The following GPHN variants were observed in gnomAD, a reference collection of about 807,000 sequenced individuals.
GPHN encodes gephyrin.
Under a neutral mutation model 95.5 loss-of-function variants are expected in GPHN, and 17 were observed. That is an observed-to-expected ratio of 0.18 (90% CI 0.12 to 0.27). The LOEUF is 0.27. Among genes scored for constraint, GPHN ranks in the 10% least tolerant of loss-of-function variants. The pLI is 1.00. For synonymous variants in GPHN, 320 were observed against 322.5 expected (o/e 0.99, Z 0.08); for missense variants, 660 against 978.1 (o/e 0.67, Z 4.34).
the GPHN span, among the ~76,000 whole-genome samples, chr14:67,476,848 GGGCACAGT>G: frequency 2.0e-5 from 3 of 152,252 alleles, no homozygotes; most frequent in African/African-American, 7.2e-5. Context: ...GATAGTGGCT[GGGCACAGT>G]GGCTCACGCC....
At chr14:67,338,979 C>T in the GPHN span, among the ~76,000 whole-genome samples, 29 of 149,546 alleles carry the variant, frequency 1.9e-4, no homozygotes, top group Non-Finnish European at 3.8e-4. Context: ...CTGATTTAAC[C>T]TGAGACAGAA....
chr14:67,612,233 TG>T, the GPHN span, among the ~76,000 whole-genome samples: 1 of 152,162 alleles, frequency 6.6e-6, no homozygotes, highest in Non-Finnish European at 1.5e-5. Context: ...GCCCAGGGGT[TG>T]GGGACCCCTG....
chr14:67,705,892 T>C, the GPHN span: 8 of 152,286 alleles, frequency 5.3e-5, no homozygotes, highest in African/African-American at 1.9e-4. Context: ...TCAAAAAGTA[T>C]ACAGCCAAAA....
At chr14:67,147,474 G>A (rs2080966387) in intron 18 of GPHN, among the ~76,000 whole-genome samples, 1 of 152,058 alleles carries the variant, frequency 6.6e-6, no homozygotes, top group South Asian at 2.1e-4. Flanking sequence ...TCTCTTTTGA[G>A]ATACATATGT....
At chr14:67,529,288 T>C in the GPHN span, among the ~76,000 whole-genome samples, 1 of 152,138 alleles carries the variant, frequency 6.6e-6, no homozygotes, top group Admixed American at 6.5e-5. Context: ...TTGCAGTGAA[T>C]GTATGTGGTA....
chr14:66,946,174 C>A (rs1490488815), intron 8 of GPHN, among the ~76,000 whole-genome samples: 1 of 151,876 alleles, frequency 6.6e-6, no homozygotes, highest in Non-Finnish European at 1.5e-5. Flanking sequence ...TTTTTAAAAG[C>A]ATGAAAGGTA....
intron 4 of GPHN, among the ~76,000 whole-genome samples, chr14:66,858,325 C>A (rs770885747): frequency 6.6e-6 from 1 of 151,852 alleles, no homozygotes; most frequent in Non-Finnish European, 1.5e-5. Context: ...TGGAAACCAG[C>A]TCAGCCACAG....
At chr14:67,700,531 C>G in the GPHN span, among the ~76,000 whole-genome samples, 1 of 150,060 alleles carries the variant, frequency 6.7e-6, no homozygotes, top group African/African-American at 2.5e-5. Flanking sequence ...CTGGCTAACA[C>G]GATGAAACCC....
chr14:67,061,293 G>A (rs998134580), intron 11 of GPHN, among the ~76,000 whole-genome samples: 1 of 151,966 alleles, frequency 6.6e-6, no homozygotes, highest in Admixed American at 6.6e-5. Flanking sequence ...CACCCACCTC[G>A]ACCTCTCAAA....
chr14:67,595,285 T>C, the GPHN span, among the ~76,000 whole-genome samples: 1 of 152,230 alleles, frequency 6.6e-6, no homozygotes, highest in African/African-American at 2.4e-5. Flanking sequence ...AAAACAATGT[T>C]TGTATGGGTA....
At chr14:67,306,438 G>C in the GPHN span, among the ~76,000 whole-genome samples, 1 of 152,014 alleles carries the variant, frequency 6.6e-6, no homozygotes, top group Non-Finnish European at 1.5e-5. Context: ...TCTGCCTCCT[G>C]TGTTCAAGCA....
At position 67,101,849 on chromosome 14, in the gene GPHN, A is replaced by ATTATTTATTTAT. The variant is rs57643224; in HGVS notation, c.1293+965_1293+976dup. 3.6e-3 allele frequency among the ~76,000 whole-genome samples: 528 copies of ATTATTTATTTAT among 145,566 alleles called. 3 individuals are homozygous for ATTATTTATTTAT. The highest frequency in any genetic ancestry group is 0.011 in the African/African-American group (447 of 39,408). On this transcript the variant is annotated intron_variant, in intron 13 of 22. Coordinates refer to ENST00000478722, the MANE Select transcript of GPHN (RefSeq NM_020806.5). ...AATAACATATATCATTGGTTTATGT[A>ATTATTTATTTAT]TTATTTATTTATTTATTTATTTATT...
At chr14:67,347,688 C>G in the GPHN span, among the ~76,000 whole-genome samples, 2 of 151,856 alleles carry the variant, frequency 1.3e-5, no homozygotes, top group Admixed American at 6.6e-5. Flanking sequence ...TTAGTAGACA[C>G]GGGGTTTCTC....
intron 9 of GPHN, among the ~76,000 whole-genome samples, chr14:66,975,329 A>G (rs2070138659): frequency 6.6e-6 from 1 of 152,200 alleles, no homozygotes; most frequent in East Asian, 1.9e-4. Flanking sequence ...ACTTTTATTG[A>G]AAGTATATGC....
chr14:67,158,814 C>A (rs141590611), intron 18 of GPHN, among the ~76,000 whole-genome samples: 1 of 152,076 alleles, frequency 6.6e-6, no homozygotes, highest in East Asian at 1.9e-4. Flanking sequence ...GTTAAAACTC[C>A]CTTGACTTTC....
the GPHN span, chr14:67,592,291 T>A: frequency 1.3e-4 from 51 of 398,642 alleles, no homozygotes; most frequent in East Asian, 3.1e-4. Context: ...AAAAAAAAAA[T>A]TAGCCAGGCG....
At chr14:67,203,211 A>T in the GPHN span, 1 of 1,613,686 alleles carries the variant, frequency 6.2e-7, no homozygotes, top group East Asian at 2.2e-5. Context: ...GGCCCATCTG[A>T]CACCTGGTGC....
intron 2 of GPHN, among the ~76,000 whole-genome samples, chr14:66,702,260 C>T (rs913002043): frequency 6.6e-6 from 1 of 152,202 alleles, no homozygotes; most frequent in Non-Finnish European, 1.5e-5. Context: ...TGGGTTTTCC[C>T]CCAGTGAAGC....
At chr14:67,543,591 G>T in the GPHN span, among the ~76,000 whole-genome samples, 1 of 152,166 alleles carries the variant, frequency 6.6e-6, no homozygotes, top group Non-Finnish European at 1.5e-5. Flanking sequence ...CTAATAATCT[G>T]CATGTTTAAC....
Sources: gnomAD v4.1 joint callset for allele counts (sites outside exome capture counted in the v4.1 genomes callset) on GRCh38, gnomAD v4.1.1 for gene constraint, MANE v1.5 for transcripts, NCBI Gene and HGNC (gene_info 2026-07-23, HGNC 2026-07-21) for gene names.